The following JARID2 variants were observed in gnomAD, a reference collection of about 807,000 sequenced individuals.
JARID2 encodes jumonji and AT-rich interaction domain containing 2.
In JARID2, 21 loss-of-function variants were observed where a neutral mutation model predicts 125.6. The ratio of observed to expected loss-of-function variants is 0.17; its 90% CI spans 0.12 to 0.24. The LOEUF (loss-of-function observed/expected upper bound fraction) is 0.24. JARID2 is among the 10% of genes least tolerant of loss of function. The probability of loss-of-function intolerance (pLI) is 1.00; values close to 1 mark genes in which losing one functional copy is unlikely to be tolerated. For missense variants in JARID2, 1,303 were observed against 1,639.6 expected, an observed-to-expected ratio of 0.79 and a Z score of 3.55; for synonymous variants, 736 against 661.6, an observed-to-expected ratio of 1.11 and a Z score of -1.73.
chr6:15,351,018 T>C (rs1763411902), intron 1 of JARID2, among the ~76,000 whole-genome samples: 1 of 151,786 alleles, frequency 6.6e-6, no homozygotes, highest in East Asian at 1.9e-4. Context: ...AAAAAGCAGA[T>C]ATCTTGGATT....
chr6:15,328,518 A>G (rs1327536968), intron 1 of JARID2, among the ~76,000 whole-genome samples: 1 of 152,244 alleles, frequency 6.6e-6, no homozygotes, highest in Non-Finnish European at 1.5e-5. Context: ...TTAAGTGATT[A>G]GATGTATGGT....
intron 5 of JARID2, among the ~76,000 whole-genome samples, chr6:15,471,501 G>C (rs1769076116): frequency 6.6e-6 from 1 of 151,940 alleles, no homozygotes; most frequent in Non-Finnish European, 1.5e-5. Context: ...TATCGGATTG[G>C]GTCCTTTTCA....
rs182088875 is a variant in JARID2, at chr6:15,454,430, A to C, written c.493+2255A>C. On this transcript the variant is annotated intron_variant, in intron 4 of 17. Transcript: ENST00000341776. Reference sequence around the variant, plus strand: ...CCTTGAAAACAGGGAGATACGAGGTAGGTGGGGTTCCCACCAGTTTATCTC... The same window carrying C: ...CCTTGAAAACAGGGAGATACGAGGTCGGTGGGGTTCCCACCAGTTTATCTC... 1.9e-3 allele frequency among the ~76,000 whole-genome samples: 282 copies of C among 152,318 alleles called. 1 individual carries two copies. The highest frequency in any genetic ancestry group is 2.9e-3 in the Non-Finnish European group (196 of 68,010).
chr6:15,362,562 G>C (rs1763836343), intron 1 of JARID2, among the ~76,000 whole-genome samples: 1 of 152,150 alleles, frequency 6.6e-6, no homozygotes, highest in Non-Finnish European at 1.5e-5. Context: ...ATCAATTAGG[G>C]GTGTTGGTAG....
chr6:15,377,466 G>A (rs960928389), intron 2 of JARID2, among the ~76,000 whole-genome samples: 3 of 152,082 alleles, frequency 2.0e-5, no homozygotes, highest in African/African-American at 4.8e-5. Flanking sequence ...ATATCACAGC[G>A]GATTGACTAT....
At chr6:15,472,401 C>G (rs1769121146) in intron 5 of JARID2, among the ~76,000 whole-genome samples, 1 of 152,148 alleles carries the variant, frequency 6.6e-6, no homozygotes, top group African/African-American at 2.4e-5. Flanking sequence ...TCTGTGCTTC[C>G]TTTTCTGAGA....
At chr6:15,410,439 T>A in intron 3 of JARID2, 74 bp downstream of exon 3, 2 of 1,456,652 alleles carry the variant, frequency 1.4e-6, no homozygotes, top group Non-Finnish European at 1.9e-6. Flanking sequence ...TTTCACCACA[T>A]GATAACGTGA....
chr6:15,413,000 G>GTTTTTTTTTTTT (rs1561845196), intron 3 of JARID2, among the ~76,000 whole-genome samples: 8 of 65,026 alleles, frequency 1.2e-4, no homozygotes, highest in African/African-American at 4.2e-4. Flanking sequence ...GGAAGAGCTT[G>GTTTTTTTTTTTT]TGTTTTTGTT....
intron 1 of JARID2, among the ~76,000 whole-genome samples, chr6:15,363,336 A>G (rs1018422790): frequency 2.0e-5 from 3 of 152,088 alleles, no homozygotes; most frequent in Non-Finnish European, 4.4e-5. Context: ...CAGCGAAAGG[A>G]GGCTGTGCAC....
At chr6:15,262,533 ATTT>A (rs35864895) in intron 1 of JARID2, among the ~76,000 whole-genome samples, 2 of 116,450 alleles carry the variant, frequency 1.7e-5, no homozygotes, top group Non-Finnish European at 1.8e-5. Flanking sequence ...TGGTTTGGCT[ATTT>A]TTTTTTTTTT....
rs531688220 is a variant in JARID2 at position 15,518,153 on chromosome 6, A to G, written c.3558+885A>G. On this transcript the variant is annotated intron_variant, in intron 17 of 17. Coordinates refer to ENST00000341776, the MANE Select transcript of JARID2 (RefSeq NM_004973.4). ...TCCTTCACCTTAGCAGCAAATGTCC[A>G]GGCACAGTTGCAAATAACGAAGCCT... 2.6e-5 allele frequency among the ~76,000 whole-genome samples: 4 copies of G among 152,376 alleles called. No individual in the cohort carries two copies. In the East Asian group the frequency reaches 7.7e-4, roughly 29 times the overall value.
At chr6:15,508,644 T>TGG (rs1392240779) in intron 12 of JARID2, among the ~76,000 whole-genome samples, 190 bp downstream of exon 12, 1 of 152,222 alleles carries the variant, frequency 6.6e-6, no homozygotes, top group Non-Finnish European at 1.5e-5. Context: ...TTGGAAGAGT[T>TGG]GGGGTGCTGG....
At chr6:15,500,843 G>T in intron 7 of JARID2, 64 bp from the exon 8 acceptor site, 1 of 1,414,994 alleles carries the variant, frequency 7.1e-7, no homozygotes, top group Non-Finnish European at 9.7e-7. Context: ...CAGGTTGAAT[G>T]AGGAACATCT....
chr6:15,277,642 C>A (rs574052223), intron 1 of JARID2, among the ~76,000 whole-genome samples: 2 of 152,058 alleles, frequency 1.3e-5, no homozygotes, highest in African/African-American at 2.4e-5. Context: ...AATGACTAAA[C>A]GTAAAATGGG....
chr6:15,409,457 G>A (rs886135151), intron 2 of JARID2, among the ~76,000 whole-genome samples: 1 of 152,218 alleles, frequency 6.6e-6, no homozygotes, highest in Non-Finnish European at 1.5e-5. Flanking sequence ...CTACATTGAT[G>A]TAAGGGACTC....
chr6:15,444,486 C>T (rs1767580487), intron 3 of JARID2, among the ~76,000 whole-genome samples: 2 of 152,090 alleles, frequency 1.3e-5, no homozygotes, highest in Non-Finnish European at 1.5e-5. Context: ...TGCCCGACCC[C>T]CCACAACCTC....
At chr6:15,519,798 C>G (rs949549020) in intron 17 of JARID2, among the ~76,000 whole-genome samples, 2 of 152,088 alleles carry the variant, frequency 1.3e-5, no homozygotes, top group African/African-American at 4.8e-5. Flanking sequence ...CTGGGCTCCC[C>G]TGCCAGCCCT....
chr6:15,404,739 C>T (rs1446409902), intron 2 of JARID2, among the ~76,000 whole-genome samples: 1 of 152,104 alleles, frequency 6.6e-6, no homozygotes, highest in African/African-American at 2.4e-5. Flanking sequence ...ATTGAGTCAC[C>T]CTAATATGCT....
intron 3 of JARID2, among the ~76,000 whole-genome samples, chr6:15,441,134 C>G (rs1298267493): frequency 6.6e-6 from 1 of 152,036 alleles, no homozygotes; most frequent in African/African-American, 2.4e-5. Context: ...TTTTCTGATA[C>G]TCACCAAAAA....
Sources: gnomAD v4.1 joint callset for allele counts (sites outside exome capture counted in the v4.1 genomes callset) on GRCh38, gnomAD v4.1.1 for gene constraint, MANE v1.5 for transcripts, NCBI Gene and HGNC (gene_info 2026-07-23, HGNC 2026-07-21) for gene names.